Variants in MTHFD2L observed in about 807,000 individuals in gnomAD.
MTHFD2L encodes methylenetetrahydrofolate dehydrogenase (NADP+ dependent) 2 like.
A neutral mutation model predicts 34.9 loss-of-function variants in MTHFD2L; 29 were observed. The ratio of observed to expected loss-of-function variants is 0.83; its 90% CI spans 0.62 to 1.13. The LOEUF (loss-of-function observed/expected upper bound fraction) is 1.13. MTHFD2L is among the 50% of genes most tolerant of loss of function. MTHFD2L has a pLI of 0.00. For synonymous variants in MTHFD2L, 167 were observed against 155.7 expected (o/e 1.07, Z -0.54); for missense variants, 481 against 446.5 (o/e 1.08, Z -0.70).
intron 1 of MTHFD2L, among the ~76,000 whole-genome samples, chr4:74,164,485 A>G (rs1355915248): frequency 2.6e-5 from 4 of 152,214 alleles, no homozygotes; most frequent in Non-Finnish European, 5.9e-5. Context: ...TGGAAACAGC[A>G]CTAAGTGCTG....
chr4:74,277,067 G>A (rs1399790255), intron 6 of MTHFD2L, among the ~76,000 whole-genome samples: 3 of 152,044 alleles, frequency 2.0e-5, no homozygotes, highest in Non-Finnish European at 2.9e-5. Flanking sequence ...CATGAGGACA[G>A]CATGGAGGAG....
chr4:74,179,627 A>G (rs1418779104), intron 3 of MTHFD2L, among the ~76,000 whole-genome samples: 4 of 151,280 alleles, frequency 2.6e-5, no homozygotes, highest in African/African-American at 9.8e-5. Context: ...CCTCATAAAA[A>G]GAGAATTGAA....
rs575030254 is a variant in MTHFD2L, at chr4:74,254,909, C to T, written c.806-26516C>T. Among the ~76,000 whole-genome samples the T allele has an allele frequency of 4.0e-3, 614 of 151,916 alleles. 2 individuals are homozygous for T. Among genetic ancestry groups the T allele is most frequent in the South Asian group, 0.014 (67 of 4,812 alleles). On this transcript the variant is annotated intron_variant, in intron 6 of 7. Coordinates refer to ENST00000325278, the MANE Select transcript of MTHFD2L (RefSeq NM_001144978.3). ...TAGCACTTTGGGAGGCCGAGGTGGGCGGATCACCTGAGGGCAGGAGTTCGA... is the reference window on the plus strand; with the variant it reads ...TAGCACTTTGGGAGGCCGAGGTGGGTGGATCACCTGAGGGCAGGAGTTCGA...
intron 1 of MTHFD2L, among the ~76,000 whole-genome samples, chr4:74,130,500 C>T (rs923189452): frequency 3.3e-5 from 5 of 152,098 alleles, no homozygotes; most frequent in African/African-American, 1.2e-4. Flanking sequence ...ACGATTATCT[C>T]AATAGATGCA....
At chr4:74,298,575 G>A (rs1023990687) in intron 7 of MTHFD2L, among the ~76,000 whole-genome samples, 6 of 152,016 alleles carry the variant, frequency 3.9e-5, no homozygotes, top group South Asian at 2.1e-4. Context: ...TGATACCTGA[G>A]CATACCAGTG....
At chr4:74,185,456 C>T (rs1488378745) in intron 3 of MTHFD2L, among the ~76,000 whole-genome samples, 2 of 151,078 alleles carry the variant, frequency 1.3e-5, no homozygotes, top group African/African-American at 2.4e-5. Flanking sequence ...AACATAAAAA[C>T]AAAAAAAGAA....
rs1728839133 is a variant in MTHFD2L at position 74,175,399 on chromosome 4, AC to A, written c.449del (p.Pro150GlnfsTer19). The stretch of plus-strand genomic sequence containing the variant: ...GCGGTATATTAGTTCAGTTACCACT[AC>A]CAGGTACATAATGCTCCTCTTATTT... ...VSGILVQLPL[P>X]DHVDERTICN... is the part of the protein sequence containing the mutation. On this transcript the variant is annotated frameshift_variant, in exon 3 of 8. Coordinates refer to ENST00000325278, the MANE Select transcript of MTHFD2L (RefSeq NM_001144978.3). LOFTEE classifies it high-confidence loss of function. 1 of 1,609,160 alleles carries A rather than the reference AC, an allele frequency of 6.2e-7. No homozygotes were observed.
chr4:74,119,576 G>T (rs926176190), upstream of MTHFD2L, among the ~76,000 whole-genome samples: 8 of 152,158 alleles, frequency 5.3e-5, no homozygotes, highest in Non-Finnish European at 1.2e-4. Context: ...GAGGTCAGGA[G>T]ATTGAGACCA....
At chr4:74,212,188 TC>T (rs1408084016) in intron 5 of MTHFD2L, among the ~76,000 whole-genome samples, 1 of 152,174 alleles carries the variant, frequency 6.6e-6, no homozygotes, top group Non-Finnish European at 1.5e-5. Flanking sequence ...TTTGTCTCTA[TC>T]TCCTTCAGTT....
At chr4:74,239,404 G>A (rs1453437667) in intron 6 of MTHFD2L, among the ~76,000 whole-genome samples, 1 of 151,722 alleles carries the variant, frequency 6.6e-6, no homozygotes, top group Non-Finnish European at 1.5e-5. Flanking sequence ...AAGTTAATGG[G>A]TGCAGCAAAC....
chr4:74,157,705 T>G, upstream of MTHFD2L: 1 of 459,182 alleles, frequency 2.2e-6, no homozygotes, highest in Non-Finnish European at 4.4e-6. Context: ...AACCTATTAC[T>G]TCTTTCCTGC....
intron 6 of MTHFD2L, chr4:74,267,027 TC>T (rs1233417732): frequency 1.0e-6 from 1 of 985,242 alleles, no homozygotes; most frequent in Non-Finnish European, 1.2e-6. Flanking sequence ...GTAGCAGAGC[TC>T]CCCTCTACCT....
chr4:74,201,479 G>C, intron 5 of MTHFD2L, 109 bp downstream of exon 5: 1 of 645,410 alleles, frequency 1.5e-6, no homozygotes. Context: ...GGTTTATGCA[G>C]TTCAAAGTCT....
chr4:74,140,919 T>C (rs1300125637), intron 1 of MTHFD2L, among the ~76,000 whole-genome samples: 1 of 152,232 alleles, frequency 6.6e-6, no homozygotes, highest in Non-Finnish European at 1.5e-5. Context: ...ATTATGGGAA[T>C]TACAAAATGA....
intron 1 of MTHFD2L, among the ~76,000 whole-genome samples, chr4:74,147,393 G>A (rs1187043648): frequency 6.6e-6 from 1 of 152,120 alleles, no homozygotes; most frequent in Non-Finnish European, 1.5e-5. Flanking sequence ...GGCTGGCTAG[G>A]GGTTCTTGTC....
At chr4:74,208,077 A>G (rs1240365729) in intron 5 of MTHFD2L, among the ~76,000 whole-genome samples, 3 of 152,098 alleles carry the variant, frequency 2.0e-5, no homozygotes, top group South Asian at 4.2e-4. Context: ...GGGACAGGGG[A>G]TGGCAGGTAT....
At chr4:74,129,974 T>C (rs1306346341) in intron 1 of MTHFD2L, among the ~76,000 whole-genome samples, 1 of 151,924 alleles carries the variant, frequency 6.6e-6, no homozygotes, top group East Asian at 1.9e-4. Flanking sequence ...ACAAATAAAA[T>C]AGAAAATCTA....
At chr4:74,117,535 G>T (rs536321378) in intron 2 of MTHFD2L, among the ~76,000 whole-genome samples, 59 of 152,296 alleles carry the variant, frequency 3.9e-4, no homozygotes, top group African/African-American at 1.4e-3. Context: ...AAGTAGGGCT[G>T]CTGCTTGGAT....
intron 1 of MTHFD2L, among the ~76,000 whole-genome samples, chr4:74,143,123 T>C (rs576120727): frequency 6.6e-6 from 1 of 152,074 alleles, no homozygotes; most frequent in East Asian, 1.9e-4. Flanking sequence ...AAGGACCTCT[T>C]CAAATACAAA....
Sources: gnomAD v4.1 joint callset for allele counts (sites outside exome capture counted in the v4.1 genomes callset) on GRCh38, gnomAD v4.1.1 for gene constraint, MANE v1.5 for transcripts, NCBI Gene and HGNC (gene_info 2026-07-23, HGNC 2026-07-21) for gene names.